RNF10: variants seen among roughly 807,000 people sequenced by gnomAD.
RNF10 encodes ring finger protein 10, also known as E3 ubiquitin-protein ligase RNF10.
Under a neutral mutation model 91.4 loss-of-function variants are expected in RNF10, and 38 were observed. That is an observed-to-expected ratio of 0.42 (90% CI 0.32 to 0.54). The LOEUF is 0.54. Among genes scored for constraint, RNF10 ranks in the 20% least tolerant of loss-of-function variants. The pLI, the probability that RNF10 is intolerant of heterozygous loss-of-function variation, is 0.16. For synonymous variants in RNF10, 364 were observed against 366.3 expected (o/e 0.99, Z 0.07); for missense variants, 945 against 1,012.0 (o/e 0.93, Z 0.90).
intron 1 of RNF10, among the ~76,000 whole-genome samples, chr12:120,540,169 C>T (rs1871348332): frequency 6.6e-6 from 1 of 151,140 alleles, no homozygotes; most frequent in African/African-American, 2.4e-5. Context: ...CACCATGTTG[C>T]CCAGGCTGGT....
At chr12:120,573,494 A>G (rs1876961073) in intron 14 of RNF10, among the ~76,000 whole-genome samples, 1 of 152,210 alleles carries the variant, frequency 6.6e-6, no homozygotes, top group Non-Finnish European at 1.5e-5. Context: ...TTACCTTTTA[A>G]GAGTAAAACA....
intron 1 of RNF10, among the ~76,000 whole-genome samples, chr12:120,542,514 C>G (rs368001408): frequency 2.6e-5 from 4 of 152,214 alleles, no homozygotes; most frequent in East Asian, 3.9e-4. Flanking sequence ...CTGTTGCTAA[C>G]TGAAGTAATA....
intron 2 of RNF10, among the ~76,000 whole-genome samples, chr12:120,550,062 T>C (rs778707735): frequency 2.8e-4 from 43 of 152,326 alleles, no homozygotes; most frequent in Middle Eastern, 3.4e-3. Context: ...TGTGTAATCA[T>C]ACATTTTCTA....
At chr12:120,542,113 G>T (rs561333834) in intron 1 of RNF10, among the ~76,000 whole-genome samples, 38 of 151,928 alleles carry the variant, frequency 2.5e-4, no homozygotes, top group Admixed American at 1.2e-3. Flanking sequence ...TGATCCACCC[G>T]CCTCAGCATC....
intron 1 of RNF10, among the ~76,000 whole-genome samples, chr12:120,540,842 C>T (rs371489725): frequency 1.7e-4 from 24 of 137,216 alleles, no homozygotes; most frequent in African/African-American, 5.9e-4. Flanking sequence ...TTGCTGAGTG[C>T]CAGTTTACTT....
intron 4 of RNF10, among the ~76,000 whole-genome samples, chr12:120,555,510 G>A (rs1307640070): frequency 1.7e-5 from 2 of 120,240 alleles, no homozygotes; most frequent in African/African-American, 3.2e-5. Context: ...TTTTTGAGAC[G>A]GAGTTTCGCT....
At chr12:120,573,188 A>G (rs1476105444) in intron 14 of RNF10, among the ~76,000 whole-genome samples, 1 of 152,190 alleles carries the variant, frequency 6.6e-6, no homozygotes, top group East Asian at 1.9e-4. Flanking sequence ...ACATTAGAGA[A>G]ATTCCACTGC....
At chr12:120,576,054 C>A in intron 16 of RNF10, 104 bp downstream of exon 16, 2 of 1,153,286 alleles carry the variant, frequency 1.7e-6, no homozygotes, top group Non-Finnish European at 2.6e-6. Flanking sequence ...GGCTCTTTCC[C>A]TTCTGAACCC....
Position 120,576,006 on chromosome 12 carries a change from C to T in RNF10, c.2359+56C>T, listed in dbSNP as rs1228073410. The T allele has an allele frequency of 5.1e-6, 8 of 1,569,826 alleles. No individual in the cohort carries two copies. The African/African-American group carries it at 8.1e-5, about 16-fold the overall frequency. On this transcript the variant is annotated intron_variant, in intron 16 of 16. Coordinates refer to ENST00000325954, the MANE Select transcript of RNF10 (RefSeq NM_014868.5). ...GTCAAACATACTACACATGTACTGC[C>T]ATTCCCGCCTGGATTCAGTGGCAGA...
chr12:120,554,624 C>A, intron 3 of RNF10, 94 bp from the exon 4 acceptor site: 1 of 963,150 alleles, frequency 1.0e-6, no homozygotes. Context: ...TAATGGCCTG[C>A]ATTTGATTTC....
rs895161320 is a variant in RNF10 at position 120,534,605 on chromosome 12, C to A, written c.-207C>A. The A allele has an allele frequency of 8.1e-7, 1 of 1,233,822 alleles. No individual in the cohort carries two copies. Among genetic ancestry groups the A allele is most frequent in the Non-Finnish European group, 1.0e-6 (1 of 968,266 alleles). 76.4% of individuals were successfully genotyped at this position (1,233,822 alleles called of 1,614,324 possible). A position where few individuals can be genotyped will look rare whatever the true frequency, so the allele number is the denominator to read the frequency against. On this transcript the variant is annotated 5_prime_UTR_variant, in exon 1 of 17. Coordinates refer to ENST00000325954, the MANE Select transcript of RNF10 (RefSeq NM_014868.5). ...TCCCGAGCCCCGGCCTCCTCGTCCT[C>A]GGTCGCCGCTGCCGCCGGGCTTAAC...
intron 1 of RNF10, among the ~76,000 whole-genome samples, chr12:120,543,375 A>G (rs1871844756): frequency 1.3e-5 from 2 of 152,210 alleles, no homozygotes; most frequent in Non-Finnish European, 2.9e-5. Flanking sequence ...GCCAGACCCC[A>G]TGGCTCATGC....
At chr12:120,572,720 C>T (rs963514765) in intron 14 of RNF10, among the ~76,000 whole-genome samples, 6 of 151,922 alleles carry the variant, frequency 3.9e-5, no homozygotes, top group Non-Finnish European at 7.4e-5. Context: ...CTCAGCCTCC[C>T]GGGTAGCTGG....
rs746016406 is a variant in RNF10 at position 120,576,589 on chromosome 12, G to A, written c.2360-1G>A. The A allele has an allele frequency of 6.2e-7, 1 of 1,613,538 alleles. No homozygotes were observed. Among genetic ancestry groups the A allele is most frequent in the Non-Finnish European group, 8.5e-7 (1 of 1,179,728 alleles). On this transcript the variant is annotated splice_acceptor_variant, in intron 16 of 16. Coordinates refer to ENST00000325954, the MANE Select transcript of RNF10 (RefSeq NM_014868.5). LOFTEE classifies it high-confidence loss of function. Reference sequence around the variant, plus strand: ...AGCTGTCTTTCTGTGTCTCCCTTTAGAAGAGAAAGGAGGAAAGAAAAGAAA... The same window carrying A: ...AGCTGTCTTTCTGTGTCTCCCTTTAAAAGAGAAAGGAGGAAAGAAAAGAAA...
intron 1 of RNF10, 111 bp downstream of exon 1, chr12:120,535,079 C>T (rs1426004884): frequency 6.0e-6 from 7 of 1,169,222 alleles, no homozygotes; most frequent in East Asian, 2.7e-5. Context: ...TCTTTTATAG[C>T]TCCTACCTGC....
At position 120,543,466 on chromosome 12, in the gene RNF10, C is replaced by T. The variant is rs192473581; in HGVS notation, c.158-2939C>T. On this transcript the variant is annotated intron_variant, in intron 1 of 16. Coordinates refer to ENST00000325954, the MANE Select transcript of RNF10 (RefSeq NM_014868.5). ...ATCGCCTGAGCCCAGGAGTTTGAGACCAGCCTGGGCAACATAGTGAGACCC... is the reference window on the plus strand; with the variant it reads ...ATCGCCTGAGCCCAGGAGTTTGAGATCAGCCTGGGCAACATAGTGAGACCC... Among the ~76,000 whole-genome samples, 55 of 152,118 alleles carry T rather than the reference C, an allele frequency of 3.6e-4. 1 individual carries two copies. Among genetic ancestry groups the T allele is most frequent in the Admixed American group, 2.9e-3 (45 of 15,268 alleles).
chr12:120,556,082 C>T lies in RNF10; in HGVS notation c.646-1200C>T, dbSNP rs568681656. ...GGGATTACAGGCGTGAGCCACCACG[C>T]CCAGCTTCAGTTGCACTTTCAAAGC... is the stretch of plus-strand genomic sequence containing the variant. On this transcript the variant is annotated intron_variant, in intron 4 of 16. Coordinates refer to ENST00000325954, the MANE Select transcript of RNF10 (RefSeq NM_014868.5). 4.0e-3 allele frequency among the ~76,000 whole-genome samples: 608 copies of T among 152,182 alleles called. 8 individuals are homozygous for T. Among genetic ancestry groups the T allele is most frequent in the African/African-American group, 0.014 (566 of 41,536 alleles).
At chr12:120,552,786 T>C (rs1192515797) in intron 3 of RNF10, 88 bp downstream of exon 3, 14 of 1,142,714 alleles carry the variant, frequency 1.2e-5, no homozygotes, top group Non-Finnish European at 1.6e-5. Context: ...TTTAAGCTAT[T>C]GTGGGAAAGA....
At chr12:120,557,785 C>G (rs1477387525) in intron 6 of RNF10, 103 bp downstream of exon 6, 15 of 1,263,178 alleles carry the variant, frequency 1.2e-5, no homozygotes, top group Non-Finnish European at 9.0e-6. Context: ...CAGGGCACAT[C>G]TGGCATGTTC....
Sources: gnomAD v4.1 joint callset for allele counts (sites outside exome capture counted in the v4.1 genomes callset) on GRCh38, gnomAD v4.1.1 for gene constraint, MANE v1.5 for transcripts, NCBI Gene and HGNC (gene_info 2026-07-23, HGNC 2026-07-21) for gene names.